Variants in MCTP1 observed in about 807,000 individuals in gnomAD.
MCTP1 encodes the protein multiple C2 and transmembrane domain containing 1.
A neutral mutation model predicts 120.6 loss-of-function variants in MCTP1; 69 were observed. The observed-to-expected ratio is 0.57, with a 90% CI of 0.47 to 0.70. The LOEUF (loss-of-function observed/expected upper bound fraction) is 0.70. Ranked by LOEUF, MCTP1 falls within the 30% of genes least tolerant of loss-of-function variation. The probability of loss-of-function intolerance (pLI) is 0.00; values close to 1 mark genes in which losing one functional copy is unlikely to be tolerated. For missense variants in MCTP1, 1,203 were observed against 1,248.8 expected (o/e 0.96, Z 0.55); for synonymous variants, 529 against 493.1 (o/e 1.07, Z -0.96).
chr5:95,034,075 G>A (rs929509961), intron 1 of MCTP1, among the ~76,000 whole-genome samples: 1 of 152,024 alleles, frequency 6.6e-6, no homozygotes, highest in Admixed American at 6.6e-5. Flanking sequence ...AGTCACAGAT[G>A]ACATAAATGA....
intron 18 of MCTP1, among the ~76,000 whole-genome samples, chr5:94,783,022 GA>G (rs1465331341): frequency 1.3e-5 from 2 of 152,106 alleles, no homozygotes; most frequent in African/African-American, 4.8e-5. Flanking sequence ...AAATCAGAAA[GA>G]TGTAATGCAA....
Position 95,284,346 on chromosome 5 carries a change from C to T in MCTP1, c.230G>A (p.Arg77Lys), listed in dbSNP as rs1299193633. The change falls in exon 1 of 23, where the codon AGG becomes AAG. Residue 77 changes from arginine (R) to lysine (K), a missense_variant. Physicochemically the swap from Arg to Lys is conservative, Grantham distance 26. Around this residue, in one of 2 missense-constraint regions of MCTP1, gnomAD observed 463 missense variants for 377.8 expected, o/e 1.23. Coordinates refer to ENST00000515393, the MANE Select transcript of MCTP1 (RefSeq NM_024717.7). This position sits in a 1 kb window ranked among gnomAD's most constrained non-coding sequence, Gnocchi z 5.2. ...APARGSGAGS[R>K]WSGFKKRKQV... is the part of the protein sequence containing the mutation. Reference sequence around the variant, plus strand: ...CTTCCGCTTCTTGAAGCCGCTCCACCTGCTGCCTGCACCACTCCCCCTGGC... The same window carrying T: ...CTTCCGCTTCTTGAAGCCGCTCCACTTGCTGCCTGCACCACTCCCCCTGGC... 1 of 1,596,896 alleles carries T rather than the reference C, an allele frequency of 6.3e-7. No homozygotes were observed. The highest frequency in any genetic ancestry group is 1.3e-5 in the African/African-American group (1 of 74,746).
chr5:94,880,012 A>G (rs1326456351), intron 12 of MCTP1, among the ~76,000 whole-genome samples: 2 of 152,148 alleles, frequency 1.3e-5, no homozygotes, highest in Non-Finnish European at 2.9e-5. Flanking sequence ...ACAGAAGAAT[A>G]AGAAGGGAAA....
At chr5:94,758,331 T>G (rs1642144439) in intron 19 of MCTP1, among the ~76,000 whole-genome samples, 1 of 152,210 alleles carries the variant, frequency 6.6e-6, no homozygotes, top group African/African-American at 2.4e-5. Flanking sequence ...TGGTGGCACA[T>G]GCCTATAGTC....
chr5:94,743,621 C>CA (rs1766110410), intron 19 of MCTP1, among the ~76,000 whole-genome samples: 1 of 146,478 alleles, frequency 6.8e-6, no homozygotes, highest in African/African-American at 2.5e-5. Flanking sequence ...AAGAGAAGCT[C>CA]AAAATCCACA....
intron 1 of MCTP1, among the ~76,000 whole-genome samples, chr5:95,018,776 C>T (rs574624271): frequency 1.3e-5 from 2 of 152,162 alleles, no homozygotes; most frequent in African/African-American, 2.4e-5. Context: ...CCCCCCACTC[C>T]ATCTCTGTAT....
chr5:94,796,666 A>G (rs1780150833), intron 18 of MCTP1, among the ~76,000 whole-genome samples: 1 of 131,130 alleles, frequency 7.6e-6, no homozygotes, highest in South Asian at 2.4e-4. Context: ...TATTATATAT[A>G]TATGTATTCT....
At chr5:95,024,150 G>T (rs569109746) in intron 1 of MCTP1, 2 of 417,586 alleles carry the variant, frequency 4.8e-6, no homozygotes, top group Non-Finnish European at 4.8e-6. Context: ...TGCTTTTGGG[G>T]TCTTATCAAA....
At chr5:95,108,991 A>C (rs1005969640) in intron 1 of MCTP1, among the ~76,000 whole-genome samples, 1 of 152,206 alleles carries the variant, frequency 6.6e-6, no homozygotes, top group African/African-American at 2.4e-5. Context: ...AATAGAAGTA[A>C]AATTATTTTC....
chr5:94,943,611 G>A (rs952206251), intron 3 of MCTP1, among the ~76,000 whole-genome samples: 2 of 152,032 alleles, frequency 1.3e-5, no homozygotes, highest in African/African-American at 4.8e-5. Flanking sequence ...ACAGTGGTAA[G>A]CAAAAATGCC....
intron 2 of MCTP1, among the ~76,000 whole-genome samples, chr5:94,962,215 C>T (rs1327527961): frequency 6.6e-6 from 1 of 151,928 alleles, no homozygotes; most frequent in African/African-American, 2.4e-5. Context: ...ACTAGTACAA[C>T]CACTATGGAA....
At chr5:94,970,144 C>G (rs1444008257) in intron 2 of MCTP1, among the ~76,000 whole-genome samples, 2 of 151,922 alleles carry the variant, frequency 1.3e-5, no homozygotes, top group East Asian at 3.9e-4. Flanking sequence ...TAGGATGGCA[C>G]TAGGTATATT....
At chr5:95,096,223 G>A (rs192757482) in intron 1 of MCTP1, among the ~76,000 whole-genome samples, 1 of 152,080 alleles carries the variant, frequency 6.6e-6, no homozygotes, top group Non-Finnish European at 1.5e-5. Context: ...TTTTGATGGT[G>A]GTGGATAAAA....
chr5:94,976,649 C>A (rs181114722), intron 2 of MCTP1: 43 of 152,018 alleles, frequency 2.8e-4, no homozygotes, highest in African/African-American at 1.0e-3. Context: ...ATAGATATAG[C>A]AAACATACAG....
At chr5:94,903,925 C>T (rs1806154872) in intron 10 of MCTP1, among the ~76,000 whole-genome samples, 1 of 152,152 alleles carries the variant, frequency 6.6e-6, no homozygotes, top group African/African-American at 2.4e-5. Context: ...GGCAATTTAC[C>T]ACAGCTGTCA....
At chr5:94,960,973 G>A (rs1280168564) in intron 2 of MCTP1, among the ~76,000 whole-genome samples, 16 of 152,064 alleles carry the variant, frequency 1.1e-4, no homozygotes, top group Admixed American at 5.2e-4. Context: ...ACATGCACAC[G>A]TATGTTTACT....
At chr5:94,809,873 C>G (rs1783069779) in intron 17 of MCTP1, among the ~76,000 whole-genome samples, 1 of 152,050 alleles carries the variant, frequency 6.6e-6, no homozygotes, top group African/African-American at 2.4e-5. Context: ...TTCCCAGGAT[C>G]CAACTTTTTC....
chr5:94,846,175 C>A (rs1453369721), intron 17 of MCTP1, among the ~76,000 whole-genome samples: 1 of 152,152 alleles, frequency 6.6e-6, no homozygotes, highest in Non-Finnish European at 1.5e-5. Context: ...AAATATAAAT[C>A]ATTCTATCAT....
chr5:95,204,832 A>G (rs1452831401), intron 1 of MCTP1, among the ~76,000 whole-genome samples: 1 of 152,138 alleles, frequency 6.6e-6, no homozygotes, highest in Non-Finnish European at 1.5e-5. Context: ...TACTCTGAAA[A>G]CTATATAACA....
Sources: gnomAD v4.1 joint callset for allele counts (sites outside exome capture counted in the v4.1 genomes callset) on GRCh38, gnomAD v4.1.1 for gene constraint, gnomAD v4.1.1 regional missense constraint, Gnocchi (gnomAD v3.1) non-coding constraint, MANE v1.5 for transcripts, NCBI Gene and HGNC (gene_info 2026-07-23, HGNC 2026-07-21) for gene names.